NPM1: variants seen among roughly 807,000 people sequenced by gnomAD.
NPM1 encodes nucleophosmin.
In NPM1, 1 loss-of-function variant was observed where a neutral mutation model predicts 44.1. The ratio of observed to expected loss-of-function variants is 0.02; its 90% CI spans 0.01 to 0.11. NPM1 has a LOEUF of 0.11. Among genes scored for constraint, NPM1 ranks in the 10% least tolerant of loss-of-function variants. NPM1 has a pLI of 1.00. For missense variants in NPM1, 197 were observed against 347.8 expected, an observed-to-expected ratio of 0.57 and a Z score of 3.45; for synonymous variants, 126 against 111.8, an observed-to-expected ratio of 1.13 and a Z score of -0.80.
At position 171,392,975 on chromosome 5, in the gene NPM1, A is replaced by T. The variant is rs1187263636; in HGVS notation, c.521A>T (p.Glu174Val). The T allele has an allele frequency of 6.2e-7, 1 of 1,609,626 alleles. No homozygotes were observed. Among genetic ancestry groups the T allele is most frequent in the Non-Finnish European group, 8.5e-7 (1 of 1,176,352 alleles). The change falls in exon 6 of 11, where the codon GAA (glutamate) becomes GTA (valine). Residue 174 changes from glutamate to valine, a missense_variant. By Grantham distance (121) the Glu-to-Val change is moderately radical (BLOSUM62 -2). Transcript: ENST00000296930. Reference protein sequence around the residue: ...DDDDDEEDDDEDDDDDDFDDE... With the variant: ...DDDDDEEDDDVDDDDDDFDDE... ...GATGATGATGAAGAGGATGATGATG[A>T]AGAGTAAGTATGATTTTAGAAACTT...
At chr5:171,403,431 C>T (rs1397180527) in intron 8 of NPM1, among the ~76,000 whole-genome samples, 1 of 115,484 alleles carries the variant, frequency 8.7e-6, no homozygotes, top group African/African-American at 3.2e-5. Flanking sequence ...CGGCAACCAT[C>T]CGATTTCTCA....
chr5:171,405,178 C>T (rs1771496560), intron 8 of NPM1, 124 bp from the exon 9 acceptor site: 1 of 613,438 alleles, frequency 1.6e-6, no homozygotes, highest in Non-Finnish European at 2.9e-6. Context: ...ATGATAATTC[C>T]AGTTGTATAA....
At chr5:171,409,032 A>G (rs574026383) in intron 10 of NPM1, among the ~76,000 whole-genome samples, 1 of 151,824 alleles carries the variant, frequency 6.6e-6, no homozygotes, top group South Asian at 2.1e-4. Flanking sequence ...TTGGTCTTGA[A>G]CTCCTGGCCT....
chr5:171,388,294 C>T (rs1228581745), intron 1 of NPM1, among the ~76,000 whole-genome samples: 1 of 152,164 alleles, frequency 6.6e-6, no homozygotes, highest in East Asian at 1.9e-4. Flanking sequence ...CCTGGAAGTT[C>T]GGCCTTTGCC....
intron 6 of NPM1, among the ~76,000 whole-genome samples, chr5:171,398,909 T>C (rs10059369): frequency 1.6e-4 from 25 of 151,978 alleles, no homozygotes; most frequent in Admixed American, 1.0e-3. Context: ...ACCCAGGCTG[T>C]AGCACAGTGG....
chr5:171,407,587 A>G, intron 9 of NPM1, 113 bp from the exon 10 acceptor site: 1 of 704,342 alleles, frequency 1.4e-6, no homozygotes, highest in South Asian at 1.6e-5. Context: ...AGTTGAAGGG[A>G]AAAAGAATAA....
intron 3 of NPM1, 139 bp downstream of exon 3, chr5:171,391,563 G>C: frequency 8.3e-7 from 1 of 1,200,738 alleles, no homozygotes; most frequent in Non-Finnish European, 1.2e-6. Context: ...GTCAACTCTT[G>C]AACATGGGGG....
Position 171,391,686 on chromosome 5 carries a change from G to A in NPM1, c.259-20G>A. 2.0e-6 allele frequency: 3 copies of A among 1,527,346 alleles called. No homozygotes were observed. Among genetic ancestry groups the A allele is most frequent in the Non-Finnish European group, 2.7e-6 (3 of 1,103,490 alleles). The allele number at this position is 1,527,346 out of a possible 1,614,324, so 94.6% of individuals were successfully genotyped here. ...TCATTTTCTTCACATGTTTAGTGAT[G>A]AAAAATTTCTCCCTTCTAGGTTTCC... is the stretch of plus-strand genomic sequence containing the variant. On this transcript the variant is annotated intron_variant, in intron 3 of 10. Transcript: ENST00000296930.
chr5:171,403,570 C>T (rs1581254551), intron 8 of NPM1, among the ~76,000 whole-genome samples: 2 of 111,746 alleles, frequency 1.8e-5, no homozygotes, highest in African/African-American at 6.6e-5. Context: ...TCCTCACTTC[C>T]CAGTAGGGGC....
chr5:171,391,513 TAGAA>T, intron 3 of NPM1, 89 bp downstream of exon 3: 1 of 1,513,668 alleles, frequency 6.6e-7, no homozygotes, highest in Non-Finnish European at 9.0e-7. Flanking sequence ...GCCAAGGAGA[TAGAA>T]AGTGGTTCTT....
rs34475806 is a variant in NPM1, at chr5:171,392,586, CTTTTT to C, written c.353-111_353-107del. 5.6e-4 allele frequency: 254 copies of C among 450,326 alleles called. 1 individual carries two copies. The highest frequency in any genetic ancestry group is 1.9e-3 in the South Asian group (36 of 18,776). 27.9% of individuals were successfully genotyped at this position (450,326 alleles called of 1,614,324 possible). On this transcript the variant is annotated intron_variant, in intron 4 of 10. Coordinates refer to ENST00000296930, the MANE Select transcript of NPM1 (RefSeq NM_002520.7). Reference sequence around the variant, plus strand: ...TAAAAAGTTCCTTTTCCCATGTGCTCTTTTTTTTTTTTTTTTTAAATAGAATAGAA... The same window carrying C: ...TAAAAAGTTCCTTTTCCCATGTGCTCTTTTTTTTTTTTAAATAGAATAGAA...
intron 4 of NPM1, 72 bp from the exon 5 acceptor site, chr5:171,392,638 A>G: frequency 1.2e-6 from 1 of 864,096 alleles, no homozygotes; most frequent in South Asian, 1.7e-5. Context: ...TAGAGTATTT[A>G]CTATCAGTGT....
intron 9 of NPM1, 76 bp downstream of exon 9, chr5:171,405,479 T>G: frequency 1.4e-6 from 1 of 709,904 alleles, no homozygotes; most frequent in Non-Finnish European, 2.5e-6. Context: ...GACTTGAATG[T>G]TTCTTGTTTT....
At chr5:171,391,550 A>G in intron 3 of NPM1, 126 bp downstream of exon 3, 1 of 1,292,274 alleles carries the variant, frequency 7.7e-7, no homozygotes, top group Non-Finnish European at 1.1e-6. Flanking sequence ...CTGGAGTTCG[A>G]TGGTCAACTC....
Position 171,391,234 on chromosome 5 carries a change from T to A in NPM1, c.139-71T>A, listed in dbSNP as rs1770560542. Reference sequence around the variant, plus strand: ...TGGTTAAGTGACGCATGGCTGCATATAACATTTAGTGGGGGGGTGTAAAAT... The same window carrying A: ...TGGTTAAGTGACGCATGGCTGCATAAAACATTTAGTGGGGGGGTGTAAAAT... On this transcript the variant is annotated intron_variant, in intron 2 of 10. Coordinates refer to ENST00000296930, the MANE Select transcript of NPM1 (RefSeq NM_002520.7). The A allele has an allele frequency of 1.9e-6, 3 of 1,557,722 alleles. No individual in the cohort carries two copies. In the African/African-American group the frequency reaches 4.1e-5, roughly 21 times the overall value.
chr5:171,404,774 C>T (rs947900619), intron 8 of NPM1, among the ~76,000 whole-genome samples: 8 of 149,966 alleles, frequency 5.3e-5, no homozygotes, highest in African/African-American at 2.0e-4. Context: ...CTTTGGGAGG[C>T]CAAGGCAGGC....
At chr5:171,408,301 TAGTC>T (rs1210187876) in intron 10 of NPM1, among the ~76,000 whole-genome samples, 1 of 152,214 alleles carries the variant, frequency 6.6e-6, no homozygotes, top group Non-Finnish European at 1.5e-5. Flanking sequence ...GTGAAAGTCT[TAGTC>T]AACATAAAGA....
chr5:171,392,633 T>C, intron 4 of NPM1, 77 bp from the exon 5 acceptor site: 1 of 846,304 alleles, frequency 1.2e-6, no homozygotes, highest in Non-Finnish European at 1.8e-6. Context: ...GTTTTTAGAG[T>C]ATTTACTATC....
chr5:171,402,952 C>CTTTT (rs560900151), intron 8 of NPM1, among the ~76,000 whole-genome samples: 29 of 91,730 alleles, frequency 3.2e-4, no homozygotes, highest in African/African-American at 8.8e-4. Flanking sequence ...TCAGGTAGTT[C>CTTTT]TTTTTTTTTT....
Sources: allele counts gnomAD v4.1 joint callset (sites outside exome capture counted in the v4.1 genomes callset), GRCh38; gene constraint gnomAD v4.1.1; transcripts MANE v1.5; gene names NCBI Gene and HGNC (gene_info 2026-07-23, HGNC 2026-07-21).